NRXN1: variants seen among roughly 807,000 people sequenced by gnomAD.
The protein encoded by NRXN1 is neurexin 1, also known as neurexin-1.
Under a neutral mutation model 150.9 loss-of-function variants are expected in NRXN1, and 39 were observed. The observed-to-expected ratio is 0.26, with a 90% CI of 0.20 to 0.34. The LOEUF (loss-of-function observed/expected upper bound fraction) is 0.34, where lower values mean the gene tolerates loss of function less well. NRXN1 is among the 10% of genes least tolerant of loss of function. NRXN1 has a pLI of 1.00. For synonymous variants in NRXN1, 924 were observed against 757.0 expected (o/e 1.22, Z -3.62); for missense variants, 1,815 against 1,949.9 (o/e 0.93, Z 1.30).
chr2:50,692,267 G>A (rs1306785027), intron 5 of NRXN1, among the ~76,000 whole-genome samples: 3 of 152,134 alleles, frequency 2.0e-5, no homozygotes, highest in Non-Finnish European at 2.9e-5. Flanking sequence ...ATTAGAGATT[G>A]CATCATTATG....
chr2:50,726,711 G>A (rs77455289), intron 5 of NRXN1, among the ~76,000 whole-genome samples: 11,729 of 152,090 alleles, frequency 0.077, 577 homozygotes, highest in Middle Eastern at 0.13. Flanking sequence ...ATTAACACTT[G>A]AAATAATATT....
intron 2 of NRXN1, among the ~76,000 whole-genome samples, chr2:50,990,888 G>A (rs879287807): frequency 4.6e-5 from 7 of 151,998 alleles, no homozygotes; most frequent in Non-Finnish European, 8.8e-5. Context: ...TCTGGGATAA[G>A]TAACAACAGA....
chr2:50,182,173 CAAAT>C (rs1023972640), intron 18 of NRXN1, among the ~76,000 whole-genome samples: 4 of 142,834 alleles, frequency 2.8e-5, no homozygotes, highest in Non-Finnish European at 6.0e-5. Context: ...CTCTGATTGA[CAAAT>C]AAAGCCACTA....
At chr2:50,932,192 A>G (rs1687852352) in intron 2 of NRXN1, among the ~76,000 whole-genome samples, 1 of 152,064 alleles carries the variant, frequency 6.6e-6, no homozygotes, top group African/African-American at 2.4e-5. Flanking sequence ...GTTCGAGACT[A>G]GCCTGGCTAA....
chr2:50,636,113 A>G (rs1213119983), intron 5 of NRXN1, among the ~76,000 whole-genome samples: 1 of 152,204 alleles, frequency 6.6e-6, no homozygotes, highest in Non-Finnish European at 1.5e-5. Flanking sequence ...CACTTGGTTA[A>G]TTAAGGCTCA....
intron 5 of NRXN1, among the ~76,000 whole-genome samples, chr2:50,750,811 G>A (rs1263484777): frequency 6.6e-6 from 1 of 151,990 alleles, no homozygotes; most frequent in East Asian, 1.9e-4. Context: ...TAGTTTCAAT[G>A]AGAATAAGAA....
At chr2:50,296,520 ATTAT>A (rs966068107) in intron 17 of NRXN1, among the ~76,000 whole-genome samples, 1 of 148,110 alleles carries the variant, frequency 6.8e-6, no homozygotes, top group Non-Finnish European at 1.5e-5. Flanking sequence ...CTTAGCTTCT[ATTAT>A]TATTATTATT....
At chr2:50,074,148 G>C (rs997613331) in intron 19 of NRXN1, among the ~76,000 whole-genome samples, 3 of 151,982 alleles carry the variant, frequency 2.0e-5, no homozygotes, top group African/African-American at 7.3e-5. Context: ...ACTGAGCTAA[G>C]GGACCCCAAC....
intron 8 of NRXN1, among the ~76,000 whole-genome samples, chr2:50,612,794 G>C (rs1678404827): frequency 6.6e-6 from 1 of 152,140 alleles, no homozygotes; most frequent in African/African-American, 2.4e-5. Context: ...CATGTGTTCT[G>C]TTGAGGTCTC....
At chr2:50,617,326 C>G (rs1228940109) in intron 8 of NRXN1, among the ~76,000 whole-genome samples, 1 of 151,634 alleles carries the variant, frequency 6.6e-6, no homozygotes, top group Non-Finnish European at 1.5e-5. Context: ...TCCCAGCTAA[C>G]TTGGGAAGCT....
At chr2:50,555,134 T>A (rs923300549) in intron 8 of NRXN1, among the ~76,000 whole-genome samples, 1 of 152,170 alleles carries the variant, frequency 6.6e-6, no homozygotes, top group Admixed American at 6.5e-5. Context: ...CTTTTTCCTA[T>A]TGATTTATAT....
At chr2:50,683,935 T>C (rs1690849222) in intron 5 of NRXN1, among the ~76,000 whole-genome samples, 1 of 151,854 alleles carries the variant, frequency 6.6e-6, no homozygotes. Context: ...ATTAGTTATA[T>C]GGAATGCTCA....
At chr2:50,640,969 G>C (rs2104477919) in intron 5 of NRXN1, among the ~76,000 whole-genome samples, 1 of 152,174 alleles carries the variant, frequency 6.6e-6, no homozygotes, top group South Asian at 2.1e-4. Flanking sequence ...TAAAGACAAA[G>C]AACAAGAGCT....
At chr2:50,690,446 C>T (rs984648450) in intron 5 of NRXN1, among the ~76,000 whole-genome samples, 3 of 152,118 alleles carry the variant, frequency 2.0e-5, no homozygotes, top group African/African-American at 7.2e-5. Context: ...AACAAAATGT[C>T]GAATTCTCTA....
chr2:50,237,900 T>C (rs1258490841), intron 17 of NRXN1, among the ~76,000 whole-genome samples: 1 of 151,982 alleles, frequency 6.6e-6, no homozygotes, highest in Non-Finnish European at 1.5e-5. Context: ...TTGCCCATGC[T>C]GTTCTCATGA....
intron 12 of NRXN1, among the ~76,000 whole-genome samples, chr2:50,520,601 T>C (rs2092759440): frequency 6.6e-6 from 1 of 151,942 alleles, no homozygotes; most frequent in Non-Finnish European, 1.5e-5. Context: ...TCAAAAAAAA[T>C]AGGAGATGCT....
At chr2:50,360,565 A>G (rs1163497178) in intron 17 of NRXN1, among the ~76,000 whole-genome samples, 2 of 152,214 alleles carry the variant, frequency 1.3e-5, no homozygotes, top group Non-Finnish European at 2.9e-5. Context: ...ACAGCTAACT[A>G]TCCTAAATAT....
chr2:50,614,641 AT>A (rs1241470953), intron 8 of NRXN1, among the ~76,000 whole-genome samples: 51 of 127,780 alleles, frequency 4.0e-4, no homozygotes, highest in East Asian at 1.3e-3. Context: ...TATAATAAAA[AT>A]ATATATATAT....
At chr2:50,458,608 T>C (rs924856873) in intron 17 of NRXN1, among the ~76,000 whole-genome samples, 1 of 151,808 alleles carries the variant, frequency 6.6e-6, no homozygotes, top group Non-Finnish European at 1.5e-5. Flanking sequence ...AGATGGAGTT[T>C]CACTTTTGTT....
Sources: allele counts gnomAD v4.1 joint callset (sites outside exome capture counted in the v4.1 genomes callset), GRCh38; gene constraint gnomAD v4.1.1; transcripts MANE v1.5; gene names NCBI Gene and HGNC (gene_info 2026-07-23, HGNC 2026-07-21).